The following CLSTN2 variants were observed in gnomAD, a reference collection of about 807,000 sequenced individuals.
The protein encoded by CLSTN2 is calsyntenin 2.
In CLSTN2, 48 loss-of-function variants were observed where a neutral mutation model predicts 101.2. That is an observed-to-expected ratio of 0.47 (90% CI 0.38 to 0.60). The LOEUF (loss-of-function observed/expected upper bound fraction) is 0.60, where lower values mean the gene tolerates loss of function less well. Ranked by LOEUF, CLSTN2 falls within the 20% of genes least tolerant of loss-of-function variation. The pLI, the probability that CLSTN2 is intolerant of heterozygous loss-of-function variation, is 0.00. For missense variants in CLSTN2, 1,160 were observed against 1,238.2 expected (o/e 0.94, Z 0.95); for synonymous variants, 481 against 463.6 (o/e 1.04, Z -0.48).
intron 2 of CLSTN2, among the ~76,000 whole-genome samples, chr3:140,182,469 G>A (rs776705109): frequency 1.3e-5 from 2 of 152,186 alleles, no homozygotes; most frequent in Non-Finnish European, 2.9e-5. Context: ...GCCTTCTTCA[G>A]TCTGTCCTGC....
At chr3:140,008,134 T>C (rs1273330868) in intron 1 of CLSTN2, among the ~76,000 whole-genome samples, 1 of 152,216 alleles carries the variant, frequency 6.6e-6, no homozygotes, top group Non-Finnish European at 1.5e-5. Flanking sequence ...GAATGCCTGA[T>C]TTCAGAGTGA....
intron 1 of CLSTN2, among the ~76,000 whole-genome samples, chr3:140,082,018 C>T (rs1423254888): frequency 6.6e-6 from 1 of 152,218 alleles, no homozygotes; most frequent in Non-Finnish European, 1.5e-5. Flanking sequence ...GCATTTCTCT[C>T]CAGCTTTTTG....
intron 8 of CLSTN2, among the ~76,000 whole-genome samples, chr3:140,522,842 C>T (rs1363910643): frequency 6.6e-6 from 1 of 152,126 alleles, no homozygotes; most frequent in East Asian, 1.9e-4. Context: ...TTTCAAACTG[C>T]TCCTGTGGTT....
At chr3:140,418,861 C>A (rs1246772713) in intron 4 of CLSTN2, among the ~76,000 whole-genome samples, 2 of 151,982 alleles carry the variant, frequency 1.3e-5, no homozygotes, top group Non-Finnish European at 2.9e-5. Flanking sequence ...CTTCGTATTC[C>A]CTCCTGGACA....
At chr3:140,030,047 G>A (rs1035488053) in intron 1 of CLSTN2, among the ~76,000 whole-genome samples, 4 of 152,144 alleles carry the variant, frequency 2.6e-5, no homozygotes, top group African/African-American at 9.7e-5. Context: ...CAGTGATAAA[G>A]CACGTTGCCA....
chr3:140,556,537 A>C lies in CLSTN2; in HGVS notation c.1699A>C (p.Ile567Leu), dbSNP rs199944362. The C allele has an allele frequency of 8.7e-6, 14 of 1,614,056 alleles. No homozygotes were observed. Among genetic ancestry groups the C allele is most frequent in the Non-Finnish European group, 1.2e-5 (14 of 1,179,956 alleles). The change falls in exon 11 of 17, where the codon ATC becomes CTC. Residue 567 changes from isoleucine (I) to leucine (L), a missense_variant. Coordinates refer to ENST00000458420, the MANE Select transcript of CLSTN2 (RefSeq NM_022131.3). ...GTATCACTTCAACCCCTCGCAGTCC[A>C]TCCTGGTGATGGAAGGTGACGACAT... is the stretch of plus-strand genomic sequence containing the variant. ...IKYHFNPSQS[I>L]LVMEGDDIGN...
intron 1 of CLSTN2, among the ~76,000 whole-genome samples, chr3:140,116,675 A>G (rs147219466): frequency 8.5e-5 from 13 of 152,184 alleles, no homozygotes; most frequent in African/African-American, 2.9e-4. Flanking sequence ...CCAGCCCTCT[A>G]TGATTGAGTG....
At chr3:139,993,641 G>A (rs1175878361) in intron 1 of CLSTN2, among the ~76,000 whole-genome samples, 1 of 152,156 alleles carries the variant, frequency 6.6e-6, no homozygotes, top group Non-Finnish European at 1.5e-5. Flanking sequence ...CACAAACCGT[G>A]CCTGTACTTT....
At chr3:140,447,627 C>T (rs940849121) in intron 5 of CLSTN2, among the ~76,000 whole-genome samples, 18 of 152,224 alleles carry the variant, frequency 1.2e-4, no homozygotes, top group African/African-American at 4.1e-4. Context: ...CAGTAACTCA[C>T]AGTTCTGAGT....
intron 1 of CLSTN2, among the ~76,000 whole-genome samples, chr3:139,951,697 A>G (rs2107810585): frequency 6.6e-6 from 1 of 152,284 alleles, no homozygotes. Flanking sequence ...AAAAGCTATG[A>G]ATTGGGCTGG....
At chr3:140,141,002 G>A (rs2009689667) in intron 1 of CLSTN2, among the ~76,000 whole-genome samples, 2 of 152,216 alleles carry the variant, frequency 1.3e-5, no homozygotes, top group Non-Finnish European at 1.5e-5. Flanking sequence ...CTGATCAAGG[G>A]CCCAAAGGCT....
chr3:139,968,901 T>G (rs1418446614), intron 1 of CLSTN2, among the ~76,000 whole-genome samples: 2 of 152,250 alleles, frequency 1.3e-5, no homozygotes, highest in East Asian at 3.8e-4. Flanking sequence ...CTCTTTTTAT[T>G]TGTTCATAAC....
chr3:140,341,007 G>GTAC (rs1388761454), intron 2 of CLSTN2, among the ~76,000 whole-genome samples: 1 of 152,200 alleles, frequency 6.6e-6, no homozygotes, highest in African/African-American at 2.4e-5. Flanking sequence ...TTATATCAAG[G>GTAC]TACTTGACTT....
intron 1 of CLSTN2, among the ~76,000 whole-genome samples, chr3:140,052,405 C>A (rs961300978): frequency 6.6e-6 from 1 of 152,186 alleles, no homozygotes; most frequent in Non-Finnish European, 1.5e-5. Context: ...ATCCACCTGC[C>A]TCGGCCTCCC....
chr3:140,549,827 T>C (rs1215573132), intron 10 of CLSTN2, among the ~76,000 whole-genome samples: 2 of 150,688 alleles, frequency 1.3e-5, no homozygotes, highest in African/African-American at 4.9e-5. Flanking sequence ...CCTTTTGTGA[T>C]TAAGGAAATT....
intron 6 of CLSTN2, among the ~76,000 whole-genome samples, chr3:140,456,069 G>A (rs1933390835): frequency 6.6e-6 from 1 of 152,178 alleles, no homozygotes; most frequent in Non-Finnish European, 1.5e-5. Flanking sequence ...CAGGTCATAT[G>A]ATTGGCCCCC....
At chr3:140,176,107 T>C (rs1430459339) in intron 2 of CLSTN2, 34 bp downstream of exon 2, 1 of 1,610,960 alleles carries the variant, frequency 6.2e-7, no homozygotes, top group Admixed American at 1.7e-5. Flanking sequence ...TGGGCCTGGC[T>C]CACTTTGAAG....
chr3:140,521,542 G>A (rs1319712429), intron 8 of CLSTN2, among the ~76,000 whole-genome samples: 1 of 152,196 alleles, frequency 6.6e-6, no homozygotes, highest in African/African-American at 2.4e-5. Flanking sequence ...AGCCAGAACT[G>A]CACCTATAAG....
chr3:139,936,301 G>A (rs1935018789), intron 1 of CLSTN2, among the ~76,000 whole-genome samples: 2 of 152,144 alleles, frequency 1.3e-5, no homozygotes. Context: ...GGCCGGGTCT[G>A]AAACAGGAGG....
Sources: gnomAD v4.1 joint callset for allele counts (sites outside exome capture counted in the v4.1 genomes callset) on GRCh38, gnomAD v4.1.1 for gene constraint, MANE v1.5 for transcripts, NCBI Gene and HGNC (gene_info 2026-07-23, HGNC 2026-07-21) for gene names.